Variants in GRB10 observed in about 807,000 individuals in gnomAD.
GRB10 encodes growth factor receptor bound protein 10.
Under a neutral mutation model 80.9 loss-of-function variants are expected in GRB10, and 20 were observed. The ratio of observed to expected loss-of-function variants is 0.25; its 90% CI spans 0.17 to 0.36. GRB10 has a LOEUF of 0.36. GRB10 is among the 10% of genes least tolerant of loss of function. GRB10 has a pLI of 1.00. For missense variants in GRB10, 548 were observed against 747.7 expected, an observed-to-expected ratio of 0.73 and a Z score of 3.12; for synonymous variants, 291 against 291.5, an observed-to-expected ratio of 1.00 and a Z score of 0.02.
At position 50,680,649 on chromosome 7, in the gene GRB10, C is replaced by A. The variant is rs953063061; in HGVS notation, c.140-5991G>T. Among the ~76,000 whole-genome samples, 44 of 152,130 alleles carry A rather than the reference C, an allele frequency of 2.9e-4. 1 individual carries two copies. Among genetic ancestry groups the A allele is most frequent in the Non-Finnish European group, 1.2e-4 (8 of 68,026 alleles). On this transcript the variant is annotated intron_variant, in intron 5 of 18. Coordinates refer to ENST00000401949, the MANE Select transcript of GRB10 (RefSeq NM_001350814.2). ...AAAGCATATTCAAAGTTTGTGATGA[C>A]ATAAAATGGGACAAAAATAAACATA...
intron 3 of GRB10, among the ~76,000 whole-genome samples, chr7:50,736,353 C>A (rs1345050346): frequency 6.6e-6 from 1 of 152,192 alleles, no homozygotes; most frequent in Admixed American, 6.5e-5. Context: ...GTAATCAAAA[C>A]AGTCTGGTAC....
At chr7:50,634,885 T>C (rs2054658398) in intron 7 of GRB10, among the ~76,000 whole-genome samples, 1 of 152,182 alleles carries the variant, frequency 6.6e-6, no homozygotes, top group Non-Finnish European at 1.5e-5. Context: ...CCCACATTCA[T>C]AAAACAAATA....
chr7:50,659,656 C>A (rs141611960), intron 7 of GRB10, among the ~76,000 whole-genome samples: 1 of 152,334 alleles, frequency 6.6e-6, no homozygotes, highest in East Asian at 1.9e-4. Flanking sequence ...GGAAGGCAGA[C>A]AGTAGAGCAA....
intron 7 of GRB10, among the ~76,000 whole-genome samples, chr7:50,646,405 G>A (rs1366048013): frequency 6.6e-6 from 1 of 152,242 alleles, no homozygotes; most frequent in Non-Finnish European, 1.5e-5. Context: ...ACTGTCCGCA[G>A]TGTCACCTCT....
chr7:50,724,983 C>A (rs574150068), intron 4 of GRB10, among the ~76,000 whole-genome samples: 8 of 152,276 alleles, frequency 5.3e-5, no homozygotes, highest in African/African-American at 1.7e-4. Context: ...AGTCTGCGTG[C>A]GCTTGATACT....
intron 7 of GRB10, among the ~76,000 whole-genome samples, chr7:50,652,547 G>A (rs2058119280): frequency 6.6e-6 from 1 of 152,176 alleles, no homozygotes; most frequent in Non-Finnish European, 1.5e-5. Flanking sequence ...GCCTTTGAGG[G>A]AGATGGCCAT....
At chr7:50,710,932 T>C (rs1318540609) in intron 4 of GRB10, 1 of 1,609,326 alleles carries the variant, frequency 6.2e-7, no homozygotes, top group Non-Finnish European at 8.5e-7. Context: ...TCCCTCTCTC[T>C]ACAGTGGGTA....
In GRB10 at chr7:50,763,397, G is replaced by A. The variant is rs541662407; in HGVS notation, c.-216-7341C>T. Among the ~76,000 whole-genome samples the A allele has an allele frequency of 9.5e-4, 145 of 152,314 alleles. 1 individual carries two copies. In the South Asian group the frequency reaches 0.015, roughly 16 times the overall value. ...AGTTGAGGATGGCTGAACAGCAACA[G>A]GGCTCCCCTAAACCGGAGGTGGGAT... On this transcript the variant is annotated intron_variant, in intron 2 of 18. Transcript: ENST00000401949.
intron 10 of GRB10, among the ~76,000 whole-genome samples, chr7:50,616,560 C>A (rs1210274687): frequency 6.6e-6 from 1 of 152,164 alleles, no homozygotes; most frequent in Non-Finnish European, 1.5e-5. Context: ...GCAAATGGAC[C>A]TTTCCAACAC....
intron 7 of GRB10, among the ~76,000 whole-genome samples, chr7:50,662,513 C>G (rs1474894123): frequency 6.6e-6 from 1 of 152,190 alleles, no homozygotes; most frequent in Admixed American, 6.5e-5. Context: ...CTCAGAGTGT[C>G]TTCTCCAAAC....
intron 3 of GRB10, among the ~76,000 whole-genome samples, chr7:50,748,263 C>G (rs970209237): frequency 1.1e-4 from 16 of 152,192 alleles, no homozygotes; most frequent in Admixed American, 1.0e-3. Flanking sequence ...GGAGGAGGCC[C>G]CGTGGCCCAT....
rs149006955 is a variant in GRB10 at position 50,648,141 on chromosome 7, C to G, written c.505-21163G>C. ...TGGCCACGGCTGTCCAGGGAGGGAG[C>G]GCAGAGAGGGGAGACGGAGCACCAA... is the stretch of plus-strand genomic sequence containing the variant. On this transcript the variant is annotated intron_variant, in intron 7 of 18. Coordinates refer to ENST00000401949, the MANE Select transcript of GRB10 (RefSeq NM_001350814.2). Among the ~76,000 whole-genome samples, 386 of 151,986 alleles carry G rather than the reference C, an allele frequency of 2.5e-3. 4 individuals carry two copies. The highest frequency in any genetic ancestry group is 8.9e-3 in the African/African-American group (370 of 41,446).
chr7:50,598,082 T>C (rs2046967584), intron 17 of GRB10, among the ~76,000 whole-genome samples: 1 of 152,156 alleles, frequency 6.6e-6, no homozygotes, highest in African/African-American at 2.4e-5. Context: ...CAGGCTGGTC[T>C]CAAATTCCTG....
chr7:50,786,473 A>C (rs1270839604), upstream of GRB10, among the ~76,000 whole-genome samples: 1 of 152,248 alleles, frequency 6.6e-6, no homozygotes, highest in African/African-American at 2.4e-5. Context: ...ACAAGTGTCC[A>C]GACATGACAA....
intron 7 of GRB10, among the ~76,000 whole-genome samples, chr7:50,636,396 T>C (rs73113067): frequency 0.088 from 13,356 of 152,234 alleles, 893 homozygotes; most frequent in Non-Finnish European, 0.11. Flanking sequence ...AGTATCACCC[T>C]GATACCGAAA....
chr7:50,736,283 C>T (rs996556364), intron 3 of GRB10, among the ~76,000 whole-genome samples: 6 of 151,806 alleles, frequency 4.0e-5, no homozygotes, highest in African/African-American at 1.5e-4. Context: ...CAGACTTCAT[C>T]TCAAAAAAAC....
chr7:50,609,118 C>A (rs2049040437), intron 13 of GRB10, among the ~76,000 whole-genome samples: 1 of 151,948 alleles, frequency 6.6e-6, no homozygotes, highest in African/African-American at 2.4e-5. Context: ...GGTGGGACAA[C>A]CTGGAAAAAA....
chr7:50,720,499 CA>C (rs1333558865), intron 4 of GRB10, among the ~76,000 whole-genome samples: 3 of 152,050 alleles, frequency 2.0e-5, no homozygotes, highest in African/African-American at 7.2e-5. Context: ...CACCAGGCGC[CA>C]AAAAGGCCCA....
Position 50,743,229 on chromosome 7 carries a change from A to G in GRB10, c.-46-10861T>C, listed in dbSNP as rs180871970. ...TGCACATTATTAGGTACAAGGGTCT[A>G]TATGTGACCATAGGTATGAGGATGA... On this transcript the variant is annotated intron_variant, in intron 3 of 18. Coordinates refer to ENST00000401949, the MANE Select transcript of GRB10 (RefSeq NM_001350814.2). 1.0e-3 allele frequency among the ~76,000 whole-genome samples: 154 copies of G among 152,354 alleles called. 1 individual carries two copies. The highest frequency in any genetic ancestry group is 3.5e-3 in the African/African-American group (147 of 41,586).
Sources: gnomAD v4.1 joint callset for allele counts (sites outside exome capture counted in the v4.1 genomes callset) on GRCh38, gnomAD v4.1.1 for gene constraint, MANE v1.5 for transcripts, NCBI Gene and HGNC (gene_info 2026-07-23, HGNC 2026-07-21) for gene names.